The following ATG7 variants were observed in gnomAD, a reference collection of about 807,000 sequenced individuals.
ATG7 encodes autophagy related 7, also known as ubiquitin-like modifier-activating enzyme ATG7.
A neutral mutation model predicts 82.4 loss-of-function variants in ATG7; 70 were observed. The observed-to-expected ratio is 0.85, with a 90% CI of 0.70 to 1.04. The LOEUF (loss-of-function observed/expected upper bound fraction) is 1.04. Among genes scored for constraint, ATG7 ranks in the 50% least tolerant of loss-of-function variants. The pLI, the probability that ATG7 is intolerant of heterozygous loss-of-function variation, is 0.00. For synonymous variants in ATG7, 287 were observed against 313.0 expected (o/e 0.92, Z 0.88); for missense variants, 792 against 864.3 (o/e 0.92, Z 1.05).
At chr3:11,531,082 C>G (rs1347612417) in intron 20 of ATG7, among the ~76,000 whole-genome samples, 1 of 152,214 alleles carries the variant, frequency 6.6e-6, no homozygotes, top group Non-Finnish European at 1.5e-5. Context: ...GAGCGGGCTT[C>G]TTGCCTCTCT....
At chr3:11,451,833 C>A (rs549794225) in intron 20 of ATG7, among the ~76,000 whole-genome samples, 3 of 146,936 alleles carry the variant, frequency 2.0e-5, no homozygotes, top group African/African-American at 7.7e-5. Flanking sequence ...CCCTGTCTCT[C>A]TCTATCTCTC....
chr3:11,468,766 T>C (rs190521233), intron 20 of ATG7, among the ~76,000 whole-genome samples: 1 of 152,236 alleles, frequency 6.6e-6, no homozygotes, highest in East Asian at 1.9e-4. Context: ...GTACGCAAAA[T>C]GTTACGTGTG....
intron 9 of ATG7, among the ~76,000 whole-genome samples, chr3:11,323,091 T>C (rs1388235682): frequency 6.6e-6 from 1 of 151,854 alleles, no homozygotes; most frequent in Non-Finnish European, 1.5e-5. Context: ...AGAATGAAAC[T>C]GTCAAAAAAA....
At chr3:11,566,337 G>A in the ATG7 span, among the ~76,000 whole-genome samples, 1 of 152,114 alleles carries the variant, frequency 6.6e-6, no homozygotes, top group Non-Finnish European at 1.5e-5. Flanking sequence ...CTTGACTCCC[G>A]CGATGGTGAC....
intron 19 of ATG7, among the ~76,000 whole-genome samples, chr3:11,418,382 G>A (rs2081605146): frequency 6.6e-6 from 1 of 151,886 alleles, no homozygotes; most frequent in Non-Finnish European, 1.5e-5. Flanking sequence ...CCAAAGTGCT[G>A]GGGTTACAGG....
chr3:11,572,503 A>G, the ATG7 span, among the ~76,000 whole-genome samples: 1 of 152,210 alleles, frequency 6.6e-6, no homozygotes, highest in Non-Finnish European at 1.5e-5. Flanking sequence ...ATGCAGACGC[A>G]TGAGGTCCCT....
chr3:11,497,409 G>GT (rs1472910206), intron 20 of ATG7, among the ~76,000 whole-genome samples: 1 of 110,828 alleles, frequency 9.0e-6, no homozygotes, highest in African/African-American at 3.6e-5. Flanking sequence ...AGGCATGGTG[G>GT]TGGGTGCCTG....
At chr3:11,483,424 G>T (rs567423129) in intron 20 of ATG7, among the ~76,000 whole-genome samples, 2 of 152,096 alleles carry the variant, frequency 1.3e-5, no homozygotes, top group African/African-American at 4.8e-5. Context: ...TCCTTTTTCT[G>T]TCAAAGTAGG....
intron 1 of ATG7, among the ~76,000 whole-genome samples, chr3:11,274,937 T>A (rs928980012): frequency 1.1e-4 from 17 of 152,026 alleles, no homozygotes; most frequent in African/African-American, 3.9e-4. Flanking sequence ...TCCTCTCATC[T>A]GTTTTAAATT....
intron 19 of ATG7, among the ~76,000 whole-genome samples, chr3:11,418,690 T>C (rs894859426): frequency 1.3e-5 from 2 of 152,184 alleles, no homozygotes; most frequent in African/African-American, 4.8e-5. Context: ...CACCTGACTG[T>C]CTCTCCAGTT....
intron 20 of ATG7, among the ~76,000 whole-genome samples, chr3:11,434,295 G>A (rs1056965739): frequency 2.6e-5 from 4 of 152,210 alleles, no homozygotes; most frequent in African/African-American, 9.6e-5. Flanking sequence ...GCCAGCAGAA[G>A]CTGTGGGAAA....
At chr3:11,366,971 C>CT (rs1553630793) in intron 18 of ATG7, among the ~76,000 whole-genome samples, 1 of 139,694 alleles carries the variant, frequency 7.2e-6, no homozygotes, top group South Asian at 2.5e-4. Context: ...ATGGGAAAAG[C>CT]TGTGTGTGTG....
In ATG7 at chr3:11,555,721, T is replaced by C. The variant is rs1216844737; in HGVS notation, c.*878T>C. On this transcript the variant is annotated 3_prime_UTR_variant, in exon 21 of 21. Transcript: ENST00000693202. ...AGGCAAGAGCTGGTTTTCCTCTTTATTCTGGGTGTGTGCAGCTGTGAGGCC... is the reference window on the plus strand; with the variant it reads ...AGGCAAGAGCTGGTTTTCCTCTTTACTCTGGGTGTGTGCAGCTGTGAGGCC... 6.6e-6 allele frequency: 1 copy of C among 152,278 alleles called. No homozygotes were observed. Among genetic ancestry groups the C allele is most frequent in the Non-Finnish European group, 1.5e-5 (1 of 68,090 alleles). 9.4% of individuals were successfully genotyped at this position (152,278 alleles called of 1,614,324 possible).
At chr3:11,490,638 C>G (rs1275321016) in intron 20 of ATG7, among the ~76,000 whole-genome samples, 205 of 144,070 alleles carry the variant, frequency 1.4e-3, no homozygotes, top group African/African-American at 4.7e-3. Flanking sequence ...TTTAGTGGTT[C>G]CTTCAGGAGC....
chr3:11,462,051 T>C (rs1040426619), intron 20 of ATG7, among the ~76,000 whole-genome samples: 4 of 151,564 alleles, frequency 2.6e-5, no homozygotes, highest in African/African-American at 9.7e-5. Context: ...GAAAGAAAGA[T>C]GTGGACTCTG....
At chr3:11,421,264 T>C (rs1264768421) in intron 19 of ATG7, among the ~76,000 whole-genome samples, 2 of 152,168 alleles carry the variant, frequency 1.3e-5, no homozygotes, top group Non-Finnish European at 2.9e-5. Flanking sequence ...AAGATATTCC[T>C]CTGTAGCATG....
intron 19 of ATG7, among the ~76,000 whole-genome samples, chr3:11,422,769 T>TTTTTTTTTTTTTTTTG (rs1386943052): frequency 9.7e-6 from 1 of 102,696 alleles, no homozygotes; most frequent in African/African-American, 4.0e-5. Context: ...TTTTTTTTTT[T>TTTTTTTTTTTTTTTTG]GGAGACAGAG....
chr3:11,325,463 G>A (rs547458036), intron 9 of ATG7, among the ~76,000 whole-genome samples: 17 of 152,256 alleles, frequency 1.1e-4, no homozygotes, highest in African/African-American at 3.6e-4. Flanking sequence ...CCTGAGGTCC[G>A]GAGTTCGTGA....
chr3:11,477,251 G>A, intron 20 of ATG7: 1 of 1,278,382 alleles, frequency 7.8e-7, no homozygotes, highest in East Asian at 5.6e-5. Context: ...CTGATTCTTG[G>A]CTGCTTTGTT....
Sources: allele counts gnomAD v4.1 joint callset (sites outside exome capture counted in the v4.1 genomes callset), GRCh38; gene constraint gnomAD v4.1.1; transcripts MANE v1.5; gene names NCBI Gene and HGNC (gene_info 2026-07-23, HGNC 2026-07-21).